Variants in STT3B observed in about 807,000 individuals in gnomAD.
The protein encoded by STT3B is dolichyl-diphosphooligosaccharide--protein glycosyltransferase subunit STT3B.
A neutral mutation model predicts 96.8 loss-of-function variants in STT3B; 29 were observed. The ratio of observed to expected loss-of-function variants is 0.30; its 90% confidence interval spans 0.22 to 0.41. The LOEUF is 0.41. Ranked by LOEUF, STT3B falls within the 10% of genes least tolerant of loss-of-function variation. The pLI is 1.00. For synonymous variants in STT3B, 367 were observed against 360.0 expected, an observed-to-expected ratio of 1.02 and a Z score of -0.22; for missense variants, 640 against 1,022.3, an observed-to-expected ratio of 0.63 and a Z score of 5.10.
rs1053065182 is a variant in STT3B at position 31,613,992 on chromosome 3, C to T, written c.878-1113C>T. 6.6e-5 allele frequency among the ~76,000 whole-genome samples: 10 copies of T among 152,036 alleles called. No individual in the cohort carries two copies. In the South Asian group the frequency reaches 2.1e-3, roughly 32 times the overall value. ...TGAGCTTCTTACTGTCTTCCTAACA[C>T]TGTGGTCATCTCTTATCATATAGAT... On this transcript the variant is annotated intron_variant, in intron 5 of 15. Transcript: ENST00000295770.
chr3:31,632,283 TCTTA>T lies in STT3B; in HGVS notation c.2188-648_2188-645del, dbSNP rs1416316306. On this transcript the variant is annotated intron_variant, in intron 14 of 15. Coordinates refer to ENST00000295770, the MANE Select transcript of STT3B (RefSeq NM_178862.3). ...GTTCCCACTTTCAGAATGTAGTATC[TCTTA>T]CTTGTGCATTTATTTAACAAATAAT... Among the ~76,000 whole-genome samples, 14 of 152,360 alleles carry T rather than the reference TCTTA, an allele frequency of 9.2e-5. No individual in the cohort carries two copies. The East Asian group carries it at 2.1e-3, about 23-fold the overall frequency.
chr3:31,561,295 T>A (rs1231496811), intron 1 of STT3B, among the ~76,000 whole-genome samples: 1 of 152,112 alleles, frequency 6.6e-6, no homozygotes, highest in Non-Finnish European at 1.5e-5. Flanking sequence ...AAAAATTTTA[T>A]GGGTACATGA....
chr3:31,627,914 AAAAGT>A (rs1699568941), intron 13 of STT3B, among the ~76,000 whole-genome samples: 1 of 152,122 alleles, frequency 6.6e-6, no homozygotes, highest in Non-Finnish European at 1.5e-5. Context: ...CATATGGTTC[AAAAGT>A]AAAGTATAAG....
rs578160159 is a variant in STT3B at position 31,576,286 on chromosome 3, G to A, written c.315-110G>A. On this transcript the variant is annotated intron_variant, in intron 1 of 15. Coordinates refer to ENST00000295770, the MANE Select transcript of STT3B (RefSeq NM_178862.3). Reference sequence around the variant, plus strand: ...TCTTCAGATTATGTTATATAAGTTTGATGAAAACGCTCTGAAAGATACATT... The same window carrying A: ...TCTTCAGATTATGTTATATAAGTTTAATGAAAACGCTCTGAAAGATACATT... The A allele has an allele frequency of 2.3e-4, 96 of 425,306 alleles. 1 individual carries two copies. The Middle Eastern group carries it at 2.3e-3, about 10-fold the overall frequency. 26.3% of individuals were successfully genotyped at this position (425,306 alleles called of 1,614,324 possible).
rs1698822396 is a variant in STT3B at position 31,597,680 on chromosome 3, A to G, written c.777+817A>G. ...CACTCTGTTGCCCAGACTGGTCTTAAGCTCCTGGCCTCAAGCAATCCTCCT... is the reference window on the plus strand; with the variant it reads ...CACTCTGTTGCCCAGACTGGTCTTAGGCTCCTGGCCTCAAGCAATCCTCCT... On this transcript the variant is annotated intron_variant, in intron 4 of 15. Transcript: ENST00000295770. Among the ~76,000 whole-genome samples the G allele has an allele frequency of 2.6e-5, 4 of 152,092 alleles. No homozygotes were observed. The South Asian group carries it at 8.3e-4, about 32-fold the overall frequency.
At chr3:31,588,838 C>T (rs527459163) in intron 3 of STT3B, among the ~76,000 whole-genome samples, 1 of 152,058 alleles carries the variant, frequency 6.6e-6, no homozygotes, top group South Asian at 2.1e-4. Flanking sequence ...TTTCTGTGCT[C>T]TGTTCTGTTC....
intron 4 of STT3B, 136 bp downstream of exon 4, chr3:31,596,999 C>G: frequency 1.5e-6 from 1 of 665,814 alleles, no homozygotes; most frequent in Non-Finnish European, 2.5e-6. Context: ...TTTCCTTCTC[C>G]TACTCACAGG....
At chr3:31,592,848 G>A (rs1286157587) in intron 3 of STT3B, among the ~76,000 whole-genome samples, 1 of 152,128 alleles carries the variant, frequency 6.6e-6, no homozygotes, top group Non-Finnish European at 1.5e-5. Context: ...GTGGGGAAAA[G>A]CAGAAAAATG....
At chr3:31,602,564 T>G (rs1391879070) in intron 5 of STT3B, among the ~76,000 whole-genome samples, 2 of 152,008 alleles carry the variant, frequency 1.3e-5, no homozygotes, top group Non-Finnish European at 2.9e-5. Context: ...TACATAAAAG[T>G]TTAAAATTCA....
intron 15 of STT3B, among the ~76,000 whole-genome samples, chr3:31,634,637 T>C (rs776150495): frequency 6.6e-6 from 1 of 152,142 alleles, no homozygotes; most frequent in Non-Finnish European, 1.5e-5. Context: ...TCTGAGAGTT[T>C]ACCAGCCATC....
intron 5 of STT3B, among the ~76,000 whole-genome samples, chr3:31,602,344 G>A (rs969338829): frequency 1.3e-5 from 2 of 151,920 alleles, no homozygotes; most frequent in South Asian, 4.2e-4. Flanking sequence ...AAGGAACTAA[G>A]AGGGTGTTTT....
chr3:31,562,414 G>A (rs1697902357), intron 1 of STT3B, among the ~76,000 whole-genome samples: 1 of 152,160 alleles, frequency 6.6e-6, no homozygotes, highest in South Asian at 2.1e-4. Flanking sequence ...GGTGGACTTA[G>A]TGAGGTGATC....
chr3:31,554,328 A>G (rs1241776345), intron 1 of STT3B, among the ~76,000 whole-genome samples: 1 of 152,194 alleles, frequency 6.6e-6, no homozygotes, highest in Non-Finnish European at 1.5e-5. Context: ...AATCTTTTTG[A>G]TCAAAAGCCC....
At chr3:31,535,877 G>A (rs550220512) in intron 1 of STT3B, among the ~76,000 whole-genome samples, 9 of 152,076 alleles carry the variant, frequency 5.9e-5, no homozygotes, top group Non-Finnish European at 1.3e-4. Flanking sequence ...TTTTAATGTT[G>A]ACATTTCTTA....
In STT3B at chr3:31,558,791, TC is replaced by T. The variant is rs371193900; in HGVS notation, c.315-17603del. On this transcript the variant is annotated intron_variant, in intron 1 of 15. Coordinates refer to ENST00000295770, the MANE Select transcript of STT3B (RefSeq NM_178862.3). Reference sequence around the variant, plus strand: ...AAAATTTGACAGTGAAGCCATCAATTCCTGGACATTTTTTGTTGGGAGAACT... The same window carrying T: ...AAAATTTGACAGTGAAGCCATCAATTCTGGACATTTTTTGTTGGGAGAACT... Among the ~76,000 whole-genome samples, 40 of 152,230 alleles carry T rather than the reference TC, an allele frequency of 2.6e-4. No homozygotes were observed. In the East Asian group the frequency reaches 6.2e-3, roughly 23 times the overall value.
At chr3:31,601,773 T>C (rs1460121875) in intron 5 of STT3B, among the ~76,000 whole-genome samples, 3 of 152,244 alleles carry the variant, frequency 2.0e-5, no homozygotes, top group African/African-American at 4.8e-5. Flanking sequence ...AGTATATTAA[T>C]TGTATCTCAA....
intron 9 of STT3B, among the ~76,000 whole-genome samples, chr3:31,621,501 T>A (rs767544553): frequency 2.0e-5 from 3 of 152,224 alleles, no homozygotes; most frequent in Non-Finnish European, 4.4e-5. Context: ...CTCACTGAAT[T>A]TGTAAAGTTA....
chr3:31,575,655 CTA>C (rs1698247797), intron 1 of STT3B, among the ~76,000 whole-genome samples: 1 of 152,018 alleles, frequency 6.6e-6, no homozygotes, highest in African/African-American at 2.4e-5. Context: ...ACTCACTTGT[CTA>C]TGTGTAGTGC....
intron 3 of STT3B, among the ~76,000 whole-genome samples, chr3:31,591,762 AAAAC>A (rs1698669662): frequency 6.6e-6 from 1 of 152,160 alleles, no homozygotes; most frequent in Non-Finnish European, 1.5e-5. Context: ...TTAAATTAAG[AAAAC>A]AATCAAGAGA....
Sources: allele counts gnomAD v4.1 joint callset (sites outside exome capture counted in the v4.1 genomes callset), GRCh38; gene constraint gnomAD v4.1.1; transcripts MANE v1.5; gene names NCBI Gene and HGNC (gene_info 2026-07-23, HGNC 2026-07-21).